The following DNAJC19 variants were observed in gnomAD, a reference collection of about 807,000 sequenced individuals.
DNAJC19 encodes the protein DnaJ heat shock protein family (Hsp40) member C19.
DNAJC19 carries 15 observed loss-of-function variants against 19.8 expected under a neutral mutation model. The ratio of observed to expected loss-of-function variants is 0.76; its 90% confidence interval spans 0.51 to 1.17. The LOEUF (loss-of-function observed/expected upper bound fraction) is 1.17. Among genes scored for constraint, DNAJC19 ranks in the 50% most tolerant of loss-of-function variants. The pLI, the probability that DNAJC19 is intolerant of heterozygous loss-of-function variation, is 0.00. For synonymous variants in DNAJC19, 38 were observed against 42.1 expected (o/e 0.90, Z 0.38); for missense variants, 105 against 140.9 (o/e 0.75, Z 1.29).
At position 180,984,382 on chromosome 3, in the gene DNAJC19, C is replaced by G. The variant is rs1194745222; in HGVS notation, c.*258G>C. ...TGCCTTGAAAAGTAGACATAGGTCC[C>G]AAATTATCTGCTAAATGAGTAATGA... On this transcript the variant is annotated 3_prime_UTR_variant, in exon 6 of 6. Transcript: ENST00000382564. 1 of 504,662 alleles carries G rather than the reference C, an allele frequency of 2.0e-6. No homozygotes were observed. The highest frequency in any genetic ancestry group is 3.9e-6 in the Non-Finnish European group (1 of 258,914). 31.3% of individuals were successfully genotyped at this position (504,662 alleles called of 1,614,324 possible). A position where few individuals can be genotyped will look rare whatever the true frequency, so the allele number is the denominator to read the frequency against.
At chr3:180,988,450 C>A (rs1373726827) in intron 1 of DNAJC19, among the ~76,000 whole-genome samples, 3 of 151,302 alleles carry the variant, frequency 2.0e-5, no homozygotes, top group Non-Finnish European at 4.4e-5. Context: ...CTTGGCCTCC[C>A]AAAGTGCTAA....
At chr3:180,987,834 A>T in intron 3 of DNAJC19, 189 bp downstream of exon 3, 1 of 687,468 alleles carries the variant, frequency 1.5e-6, no homozygotes, top group South Asian at 1.8e-5. Context: ...CAACTCTGTC[A>T]CATATAACAT....
chr3:180,989,528 A>G (rs1715107981), intron 1 of DNAJC19, 72 bp downstream of exon 1: 2 of 1,554,108 alleles, frequency 1.3e-6, no homozygotes, highest in East Asian at 2.4e-5. Flanking sequence ...TCAACTCCAC[A>G]CCTCCGAGGC....
chr3:180,988,342 C>CA, intron 1 of DNAJC19, 113 bp from the exon 2 acceptor site: 1 of 900,200 alleles, frequency 1.1e-6, no homozygotes, highest in Non-Finnish European at 1.7e-6. Flanking sequence ...GGAGAAACAA[C>CA]TTTTTTTTTT....
Position 180,988,032 on chromosome 3 carries a change from T to C in DNAJC19, c.120A>G (p.Leu40=). The C allele has an allele frequency of 6.2e-7, 1 of 1,614,206 alleles. No homozygotes were observed. The highest frequency in any genetic ancestry group is 2.2e-5 in the East Asian group (1 of 44,872). Residue 40 remains leucine (L), a synonymous_variant, in exon 3 of 6, where the codon CTA becomes CTG. Coordinates refer to ENST00000382564, the MANE Select transcript of DNAJC19 (RefSeq NM_145261.4). The stretch of plus-strand genomic sequence containing the variant: ...ATTAACAAAGTCTTACAGATTTTGG[T>C]AGGCTTTGAAAAACTTGTTTTACTT... The part of the protein sequence containing the change: ...EPQVKQVFQS[L]PKSAFSGGYY...
rs539711280 is a variant in DNAJC19 at position 180,987,427 on chromosome 3, A to G, written c.130-405T>C. On this transcript the variant is annotated intron_variant, in intron 3 of 5. Coordinates refer to ENST00000382564, the MANE Select transcript of DNAJC19 (RefSeq NM_145261.4). ...TATTTGAAACAAGACTTTAAGATAT[A>G]TATACAGAAAATACCACTATTAGGT... The G allele has an allele frequency of 8.7e-5, 23 of 262,906 alleles. No homozygotes were observed. The Admixed American group carries it at 1.1e-3, about 12-fold the overall frequency. The allele number at this position is 262,906 out of a possible 1,614,324, so 16.3% of individuals were successfully genotyped here.
In DNAJC19 at chr3:180,983,955, T is replaced by C. The variant is rs1295630413; in HGVS notation, c.*685A>G. ...ACTCATGCCTGTAATCCCAGTACTTTGGGAGGCTGAGGCGGGAGGACTGCT... is the reference window on the plus strand; with the variant it reads ...ACTCATGCCTGTAATCCCAGTACTTCGGGAGGCTGAGGCGGGAGGACTGCT... On this transcript the variant is annotated 3_prime_UTR_variant, in exon 6 of 6. Transcript: ENST00000382564. The C allele has an allele frequency of 1.1e-5, 5 of 453,882 alleles. No homozygotes were observed. The highest frequency in any genetic ancestry group is 6.0e-5 in the African/African-American group (3 of 49,986). The allele number at this position is 453,882 out of a possible 1,614,324, so 28.1% of individuals were successfully genotyped here.
At chr3:180,989,431 G>T in intron 1 of DNAJC19, 169 bp downstream of exon 1, 1 of 1,467,508 alleles carries the variant, frequency 6.8e-7, no homozygotes. Flanking sequence ...ACCCCCAAGA[G>T]AGCGAGCCAA....
chr3:180,988,380 G>A lies in DNAJC19; in HGVS notation c.4-151C>T, dbSNP rs556213946. On this transcript the variant is annotated intron_variant, in intron 1 of 5. Coordinates refer to ENST00000382564, the MANE Select transcript of DNAJC19 (RefSeq NM_145261.4). ...TTTTTTTTTTTTTTTTTTAAGAGAC[G>A]GAGTCTTGCTATGTTGCTTAGGCTG... 808 of 904,616 alleles carry A rather than the reference G, an allele frequency of 8.9e-4. 4 individuals are homozygous for A. Among genetic ancestry groups the A allele is most frequent in the Middle Eastern group, 5.2e-3 (15 of 2,884 alleles). The allele number at this position is 904,616 out of a possible 1,614,324, so 56.0% of individuals were successfully genotyped here.
At chr3:180,986,082 G>C in intron 4 of DNAJC19, 86 bp from the exon 5 acceptor site, 1 of 1,064,956 alleles carries the variant, frequency 9.4e-7, no homozygotes, top group South Asian at 1.3e-5. Context: ...TAAAGACACT[G>C]TGAAACTGTA....
chr3:180,984,442 A>G lies in DNAJC19; in HGVS notation c.*198T>C. ...CTATTCAGAAGGTGTGTGCTTGCCC[A>G]TAATTAATACGCAAATATTCTAAAC... On this transcript the variant is annotated 3_prime_UTR_variant, in exon 6 of 6. Coordinates refer to ENST00000382564, the MANE Select transcript of DNAJC19 (RefSeq NM_145261.4). The G allele has an allele frequency of 1.7e-6, 1 of 601,068 alleles. No homozygotes were observed. The highest frequency in any genetic ancestry group is 1.8e-5 in the African/African-American group (1 of 54,832). 37.2% of individuals were successfully genotyped at this position (601,068 alleles called of 1,614,324 possible).
intron 1 of DNAJC19, chr3:180,989,244 G>C: frequency 9.1e-7 from 1 of 1,104,300 alleles, no homozygotes; most frequent in Non-Finnish European, 1.2e-6. Context: ...TAGCAAAGTG[G>C]AGCTAGTGCT....
chr3:180,988,266 A>G, intron 1 of DNAJC19, 37 bp from the exon 2 acceptor site: 2 of 1,612,110 alleles, frequency 1.2e-6, no homozygotes, highest in Middle Eastern at 1.7e-4. Flanking sequence ...TTACTTCTCT[A>G]ATTCCCACCC....
In DNAJC19 at chr3:180,989,708, A is replaced by C; in HGVS notation, c.-106T>G. 1.3e-6 allele frequency: 2 copies of C among 1,530,030 alleles called. No individual in the cohort carries two copies. Among genetic ancestry groups the C allele is most frequent in the South Asian group, 1.2e-5 (1 of 83,782 alleles). The allele number at this position is 1,530,030 out of a possible 1,614,324, so 94.8% of individuals were successfully genotyped here. ...TTACCAGAGAGCGACGCAACCCCCAACCTCAAGCACAGGCGCCCTACGCAA... is the reference window on the plus strand; with the variant it reads ...TTACCAGAGAGCGACGCAACCCCCACCCTCAAGCACAGGCGCCCTACGCAA... On this transcript the variant is annotated 5_prime_UTR_variant, in exon 1 of 6. Transcript: ENST00000382564.
rs1248832021 is a variant in DNAJC19 at position 180,984,019 on chromosome 3, T to C, written c.*621A>G. On this transcript the variant is annotated 3_prime_UTR_variant, in exon 6 of 6. Transcript: ENST00000382564. ...TTGAGGCTGCAATGAACTGTGATTG[T>C]ACCAGACCTGTACTCTGAAATCTTT... 1 of 453,922 alleles carries C rather than the reference T, an allele frequency of 2.2e-6. No individual in the cohort carries two copies. Among genetic ancestry groups the C allele is most frequent in the African/African-American group, 2.0e-5 (1 of 49,998 alleles). The allele number at this position is 453,922 out of a possible 1,614,324, so 28.1% of individuals were successfully genotyped here. A position where few individuals can be genotyped will look rare whatever the true frequency, so the allele number is the denominator to read the frequency against.
In DNAJC19 at chr3:180,989,721, G is replaced by C. The variant is rs1276392185; in HGVS notation, c.-119C>G. 2.0e-6 allele frequency: 3 copies of C among 1,512,520 alleles called. No individual in the cohort carries two copies. Among genetic ancestry groups the C allele is most frequent in the African/African-American group, 2.8e-5 (2 of 72,454 alleles). The allele number at this position is 1,512,520 out of a possible 1,614,324, so 93.7% of individuals were successfully genotyped here. On this transcript the variant is annotated 5_prime_UTR_variant, in exon 1 of 6. Coordinates refer to ENST00000382564, the MANE Select transcript of DNAJC19 (RefSeq NM_145261.4). ...ACGCAACCCCCAACCTCAAGCACAG[G>C]CGCCCTACGCAACACGGCAGGAGCA...
chr3:180,989,496 A>G (rs1411805608), intron 1 of DNAJC19, 104 bp downstream of exon 1: 2 of 1,544,410 alleles, frequency 1.3e-6, no homozygotes, highest in East Asian at 2.5e-5. Flanking sequence ...TCCCGCCCGC[A>G]GTCGCACTAA....
Position 180,984,366 on chromosome 3 carries a change from A to C in DNAJC19, c.*274T>G, listed in dbSNP as rs1324642342. 3 of 487,420 alleles carry C rather than the reference A, an allele frequency of 6.2e-6. No individual in the cohort carries two copies. The Admixed American group carries it at 6.9e-5, about 11-fold the overall frequency. 30.2% of individuals were successfully genotyped at this position (487,420 alleles called of 1,614,324 possible). Reference sequence around the variant, plus strand: ...ACTGTCATCTTCACTTTGCCTTGAAAAGTAGACATAGGTCCCAAATTATCT... The same window carrying C: ...ACTGTCATCTTCACTTTGCCTTGAACAGTAGACATAGGTCCCAAATTATCT... On this transcript the variant is annotated 3_prime_UTR_variant, in exon 6 of 6. Coordinates refer to ENST00000382564, the MANE Select transcript of DNAJC19 (RefSeq NM_145261.4).
chr3:180,989,275 G>T, intron 1 of DNAJC19: 2 of 1,326,906 alleles, frequency 1.5e-6, no homozygotes, highest in Non-Finnish European at 1.9e-6. Context: ...GTTAGGGCAA[G>T]GGCACTTATA....
Sources: allele counts gnomAD v4.1 joint callset (sites outside exome capture counted in the v4.1 genomes callset), GRCh38; gene constraint gnomAD v4.1.1; transcripts MANE v1.5; gene names NCBI Gene and HGNC (gene_info 2026-07-23, HGNC 2026-07-21).